Variants in TEX2 observed in about 807,000 individuals in gnomAD.
TEX2 encodes testis-expressed protein 2.
A neutral mutation model predicts 106.9 loss-of-function variants in TEX2; 53 were observed. That is an observed-to-expected ratio of 0.50 (90% CI 0.40 to 0.62). The LOEUF (loss-of-function observed/expected upper bound fraction) is 0.62, where lower values mean the gene tolerates loss of function less well. TEX2 is among the 20% of genes least tolerant of loss of function. The pLI is 0.00. For missense variants in TEX2, 1,207 were observed against 1,379.0 expected (o/e 0.88, Z 1.98); for synonymous variants, 523 against 534.8 (o/e 0.98, Z 0.30).
chr17:64,229,187 T>C (rs887628449), intron 1 of TEX2, among the ~76,000 whole-genome samples: 64 of 152,324 alleles, frequency 4.2e-4, no homozygotes, highest in African/African-American at 1.4e-3. Context: ...ATTCTGAAAC[T>C]GTTTGCCAAT....
chr17:64,161,511 C>T (rs1194541902), intron 7 of TEX2, among the ~76,000 whole-genome samples: 1 of 152,190 alleles, frequency 6.6e-6, no homozygotes, highest in Non-Finnish European at 1.5e-5. Context: ...AAACTGCCCA[C>T]TGATGGGAAC....
intron 4 of TEX2, 146 bp downstream of exon 4, chr17:64,193,413 G>A (rs2032363452): frequency 5.2e-6 from 3 of 575,554 alleles, no homozygotes; most frequent in Non-Finnish European, 8.5e-6. Context: ...GATGGTAAAT[G>A]AGTCATGAGA....
chr17:64,258,811 G>GTGCA (rs544703513), intron 1 of TEX2, among the ~76,000 whole-genome samples: 52 of 151,072 alleles, frequency 3.4e-4, no homozygotes, highest in African/African-American at 1.2e-3. Context: ...CCAGGCTGGA[G>GTGCA]TGCAGTGGTG....
chr17:64,228,096 C>G (rs2143276792), intron 1 of TEX2, among the ~76,000 whole-genome samples: 1 of 152,160 alleles, frequency 6.6e-6, no homozygotes, highest in Non-Finnish European at 1.5e-5. Flanking sequence ...TGGTTATTTC[C>G]TTAGGAAATA....
chr17:64,170,395 G>C (rs1409114624), intron 7 of TEX2, among the ~76,000 whole-genome samples: 2 of 152,176 alleles, frequency 1.3e-5, no homozygotes, highest in Non-Finnish European at 2.9e-5. Context: ...TGTGAGGAGA[G>C]GCAGCTCCTG....
At chr17:64,156,177 A>T (rs1162848916) in intron 8 of TEX2, 2 of 152,366 alleles carry the variant, frequency 1.3e-5, no homozygotes, top group Non-Finnish European at 2.9e-5. Flanking sequence ...AGGGCACAGC[A>T]CACATGCCAG....
chr17:64,153,091 T>C lies in TEX2; in HGVS notation c.2994A>G (p.Lys998=), dbSNP rs773922757. 1.2e-6 allele frequency: 2 copies of C among 1,614,070 alleles called. No individual in the cohort carries two copies. Among genetic ancestry groups the C allele is most frequent in the Non-Finnish European group, 1.7e-6 (2 of 1,180,016 alleles). ...CTGTCTCTGTTGCTTTTTGGAAATA[T>C]TTTGACTTGGTAATTTTATCAACAA... is the stretch of plus-strand genomic sequence containing the variant. ...MRFVDKITKS[K]YFQKATETEF... Residue 998 remains lysine (K), a synonymous_variant, in exon 10 of 12, where the codon AAA becomes AAG. Transcript: ENST00000584379. The surrounding 1 kb of genome is among the most constrained non-coding windows in gnomAD (Gnocchi z 4.1).
At chr17:64,181,726 G>A (rs941854581) in intron 5 of TEX2, among the ~76,000 whole-genome samples, 2 of 151,732 alleles carry the variant, frequency 1.3e-5, no homozygotes, top group Non-Finnish European at 2.9e-5. Flanking sequence ...ATGGTAGTCA[G>A]GCTGGTCTCA....
chr17:64,235,429 A>G (rs2033746610), intron 1 of TEX2, among the ~76,000 whole-genome samples: 1 of 152,214 alleles, frequency 6.6e-6, no homozygotes, highest in African/African-American at 2.4e-5. Flanking sequence ...TACTGAGCAC[A>G]TCACTGGAAA....
chr17:64,262,422 C>T (rs2034305103), intron 1 of TEX2, among the ~76,000 whole-genome samples: 1 of 152,238 alleles, frequency 6.6e-6, no homozygotes, highest in African/African-American at 2.4e-5. Context: ...GAAGACTCCC[C>T]TGCACCAACT....
At chr17:64,240,734 A>C (rs572955834) in intron 1 of TEX2, among the ~76,000 whole-genome samples, 1 of 152,126 alleles carries the variant, frequency 6.6e-6, no homozygotes, top group Non-Finnish European at 1.5e-5. Context: ...ATCGGTTTAG[A>C]GTCAGTTGCC....
intron 3 of TEX2, 46 bp from the exon 4 acceptor site, chr17:64,193,935 C>A: frequency 7.2e-7 from 1 of 1,396,268 alleles, no homozygotes; most frequent in Non-Finnish European, 9.6e-7. Context: ...AGATTGGCTA[C>A]ACTATGCATT....
chr17:64,249,018 G>A (rs1196973991), intron 1 of TEX2, among the ~76,000 whole-genome samples: 3 of 147,962 alleles, frequency 2.0e-5, no homozygotes, highest in Admixed American at 6.8e-5. Flanking sequence ...CTGGGCAACA[G>A]AACAAGACTT....
intron 6 of TEX2, among the ~76,000 whole-genome samples, chr17:64,173,500 C>T (rs1347506194): frequency 6.6e-6 from 1 of 152,150 alleles, no homozygotes; most frequent in East Asian, 1.9e-4. Context: ...TTTCAGGATT[C>T]ACCAATCAGA....
intron 1 of TEX2, among the ~76,000 whole-genome samples, chr17:64,214,505 C>G (rs1555632367): frequency 6.6e-6 from 1 of 152,212 alleles, no homozygotes; most frequent in South Asian, 2.1e-4. Flanking sequence ...CCTGAGTAAT[C>G]ATTTCCTCCC....
chr17:64,227,834 CAACTT>C (rs1489193008), intron 1 of TEX2, among the ~76,000 whole-genome samples: 1 of 152,160 alleles, frequency 6.6e-6, no homozygotes, highest in Non-Finnish European at 1.5e-5. Flanking sequence ...TTAAACGAAA[CAACTT>C]AAGCAAAGCA....
At chr17:64,157,399 C>T (rs1465358835) in intron 8 of TEX2, among the ~76,000 whole-genome samples, 1 of 152,212 alleles carries the variant, frequency 6.6e-6, no homozygotes, top group East Asian at 1.9e-4. Flanking sequence ...CACTGACACT[C>T]TTAGACCAAA....
intron 1 of TEX2, among the ~76,000 whole-genome samples, chr17:64,255,102 G>A (rs1231327726): frequency 6.9e-6 from 1 of 145,134 alleles, no homozygotes; most frequent in Non-Finnish European, 1.5e-5. Flanking sequence ...TTGGCCTCAA[G>A]TGATCCTCCA....
Position 64,195,162 on chromosome 17 carries a change from G to T in TEX2, c.1645-67C>A. The T allele has an allele frequency of 6.9e-7, 1 of 1,445,906 alleles. No individual in the cohort carries two copies. The highest frequency in any genetic ancestry group is 2.3e-5 in the East Asian group (1 of 42,870). 89.6% of individuals were successfully genotyped at this position (1,445,906 alleles called of 1,614,324 possible). A position where few individuals can be genotyped will look rare whatever the true frequency, so the allele number is the denominator to read the frequency against. ...CAAATCTGATTTAGTGTGAAATGAT[G>T]AACACTGTGGTATTTGGGACACTGA... On this transcript the variant is annotated intron_variant, in intron 2 of 11. Transcript: ENST00000584379. This position sits in a 1 kb window ranked among gnomAD's most constrained non-coding sequence, Gnocchi z 4.1.
Sources: gnomAD v4.1 joint callset for allele counts (sites outside exome capture counted in the v4.1 genomes callset) on GRCh38, gnomAD v4.1.1 for gene constraint, Gnocchi (gnomAD v3.1) non-coding constraint, MANE v1.5 for transcripts, NCBI Gene and HGNC (gene_info 2026-07-23, HGNC 2026-07-21) for gene names.